Variants in FERRY3 observed in about 807,000 individuals in gnomAD.
The protein encoded by FERRY3 is protein C12orf4.
the FERRY3 span, among the ~76,000 whole-genome samples, chr12:4,507,110 A>AT: frequency 6.6e-6 from 1 of 152,146 alleles, no homozygotes; most frequent in Non-Finnish European, 1.5e-5. Context: ...TCTATCTCTC[A>AT]TAAATATACT....
the FERRY3 span, among the ~76,000 whole-genome samples, chr12:4,496,018 C>T: frequency 2.6e-4 from 39 of 152,144 alleles, no homozygotes; most frequent in East Asian, 7.7e-4. Flanking sequence ...CACTTAGCAG[C>T]GTATGACTCT....
chr12:4,531,513 T>G, the FERRY3 span, among the ~76,000 whole-genome samples: 1 of 152,176 alleles, frequency 6.6e-6, no homozygotes, highest in Admixed American at 6.5e-5. Context: ...TGAGAAGAAC[T>G]AAGCATAGGT....
At chr12:4,518,171 C>T in the FERRY3 span, 1 of 1,614,122 alleles carries the variant, frequency 6.2e-7, no homozygotes, top group Non-Finnish European at 8.5e-7. Context: ...TTTCACACCA[C>T]TTCGATGATT....
chr12:4,511,937 C>T, the FERRY3 span, among the ~76,000 whole-genome samples: 4 of 96,584 alleles, frequency 4.1e-5, no homozygotes, highest in East Asian at 5.4e-4. Context: ...TTCAAAAAAT[C>T]AATGAATCCA....
chr12:4,510,773 A>ATG, the FERRY3 span, among the ~76,000 whole-genome samples: 2,286 of 146,216 alleles, frequency 0.016, 74 homozygotes, highest in African/African-American at 0.056. Context: ...AACAACCGGT[A>ATG]CCAGCCGCTG....
At chr12:4,506,960 C>CT in the FERRY3 span, among the ~76,000 whole-genome samples, 1 of 152,116 alleles carries the variant, frequency 6.6e-6, no homozygotes, top group African/African-American at 2.4e-5. Flanking sequence ...TTAAGAAAGT[C>CT]TTTTATAAAC....
At chr12:4,530,199 T>C in the FERRY3 span, 1 of 682,014 alleles carries the variant, frequency 1.5e-6, no homozygotes, top group Admixed American at 3.7e-5. Context: ...TATGTGTGTG[T>C]ATTATACAGG....
At chr12:4,500,911 A>AAAG in the FERRY3 span, among the ~76,000 whole-genome samples, 1 of 152,212 alleles carries the variant, frequency 6.6e-6, no homozygotes, top group Non-Finnish European at 1.5e-5. Flanking sequence ...TTGGCCTCCC[A>AAAG]AAGTGCTGGG....
the FERRY3 span, among the ~76,000 whole-genome samples, chr12:4,494,567 A>G: frequency 6.6e-6 from 1 of 152,274 alleles, no homozygotes; most frequent in Admixed American, 6.5e-5. Flanking sequence ...TTGTTTCAAC[A>G]ACACTGAAAA....
chr12:4,510,269 T>G, the FERRY3 span, among the ~76,000 whole-genome samples: 1 of 148,614 alleles, frequency 6.7e-6, no homozygotes, highest in African/African-American at 2.6e-5. Context: ...CTATGTCTGA[T>G]TGGTGTACCT....
the FERRY3 span, among the ~76,000 whole-genome samples, chr12:4,531,715 C>A: frequency 6.6e-6 from 1 of 152,164 alleles, no homozygotes; most frequent in Non-Finnish European, 1.5e-5. Flanking sequence ...CCATTCAGCA[C>A]CCCTTATCTT....
chr12:4,535,844 A>G, the FERRY3 span, among the ~76,000 whole-genome samples: 1 of 152,326 alleles, frequency 6.6e-6, no homozygotes, highest in Non-Finnish European at 1.5e-5. The surrounding 1 kb of genome is among the most constrained non-coding windows in gnomAD (Gnocchi z 4.0). Flanking sequence ...CTTATAGGAA[A>G]AAACACTCAA....
At chr12:4,528,940 A>C in the FERRY3 span, among the ~76,000 whole-genome samples, 355 of 117,330 alleles carry the variant, frequency 3.0e-3, no homozygotes, top group Non-Finnish European at 3.9e-3. Flanking sequence ...CACACACACA[A>C]ACAAAAGTGA....
the FERRY3 span, among the ~76,000 whole-genome samples, chr12:4,492,044 G>T: frequency 6.6e-6 from 1 of 152,088 alleles, no homozygotes; most frequent in Non-Finnish European, 1.5e-5. Context: ...TGAGACCCTT[G>T]CTCTAAAAAA....
At chr12:4,491,179 T>C in the FERRY3 span, 2 of 1,613,232 alleles carry the variant, frequency 1.2e-6, 1 homozygote, top group South Asian at 2.2e-5. Context: ...ATGCTCACCT[T>C]TGACACACTT....
chr12:4,513,159 A>T, the FERRY3 span, among the ~76,000 whole-genome samples: 2 of 65,036 alleles, frequency 3.1e-5, no homozygotes, highest in Non-Finnish European at 5.7e-5. Context: ...AAAGAGAATA[A>T]AATACCTAGG....
the FERRY3 span, among the ~76,000 whole-genome samples, chr12:4,512,473 T>C: frequency 2.6e-5 from 4 of 152,252 alleles, no homozygotes; most frequent in African/African-American, 4.8e-5. Context: ...TTGATGAACA[T>C]TGATGCAAAA....
chr12:4,525,198 A>G, the FERRY3 span: 1 of 1,560,118 alleles, frequency 6.4e-7, no homozygotes, highest in Non-Finnish European at 8.7e-7. Flanking sequence ...TGTAGTAAAT[A>G]TAAACATTAC....
chr12:4,517,103 A>G, the FERRY3 span: 2 of 1,594,840 alleles, frequency 1.3e-6, no homozygotes, highest in East Asian at 2.3e-5. Flanking sequence ...GTTCTAGCAT[A>G]AAGTACCACC....
Sources: gnomAD v4.1 joint callset for allele counts (sites outside exome capture counted in the v4.1 genomes callset) on GRCh38, gnomAD v4.1.1 for gene constraint, Gnocchi (gnomAD v3.1) non-coding constraint, MANE v1.5 for transcripts, NCBI Gene and HGNC (gene_info 2026-07-23, HGNC 2026-07-21) for gene names.